Variants in SYT16 observed in about 807,000 individuals in gnomAD.
SYT16 encodes synaptotagmin 16, also known as synaptotagmin-16.
Under a neutral mutation model 61.4 loss-of-function variants are expected in SYT16, and 42 were observed. That is an observed-to-expected ratio of 0.68 (90% CI 0.53 to 0.89). The LOEUF is 0.89. Ranked by LOEUF, SYT16 falls within the 40% of genes least tolerant of loss-of-function variation. SYT16 has a pLI of 0.00. For synonymous variants in SYT16, 314 were observed against 302.3 expected, an observed-to-expected ratio of 1.04 and a Z score of -0.40; for missense variants, 804 against 807.3, an observed-to-expected ratio of 1.00 and a Z score of 0.05.
At chr14:61,928,370 G>T (rs2049620214) in intron 1 of SYT16, among the ~76,000 whole-genome samples, 2 of 152,150 alleles carry the variant, frequency 1.3e-5, no homozygotes, top group Non-Finnish European at 2.9e-5. Context: ...CAGGAAAAAA[G>T]GACATAACTG....
intron 7 of SYT16, among the ~76,000 whole-genome samples, chr14:62,085,766 G>A (rs985888960): frequency 1.3e-5 from 2 of 152,132 alleles, no homozygotes; most frequent in African/African-American, 4.8e-5. Context: ...ATTCTATGTC[G>A]ACACTCAGAG....
intron 1 of SYT16, among the ~76,000 whole-genome samples, chr14:61,892,684 G>A (rs1473281150): frequency 2.0e-5 from 3 of 152,156 alleles, no homozygotes; most frequent in South Asian, 2.1e-4. Flanking sequence ...CTTTAGAACC[G>A]ATGGGGGGTG....
At chr14:62,048,475 C>T (rs1177541972) in intron 3 of SYT16, among the ~76,000 whole-genome samples, 9 of 152,050 alleles carry the variant, frequency 5.9e-5, no homozygotes, top group Non-Finnish European at 1.3e-4. Flanking sequence ...TCTCTATTTC[C>T]TTCAGTTCTG....
rs1224696309 is a variant in SYT16, at chr14:61,818,025, C to A, written c.-325+5215C>A. On this transcript the variant is annotated intron_variant, in intron 1 of 7. Transcript: ENST00000683842. ...TAAATGAAAGCACTGAGCTATTAAT[C>A]TGTATTCTAGGCTTTATGGTCTAAT... Among the ~76,000 whole-genome samples the A allele has an allele frequency of 2.6e-5, 4 of 152,276 alleles. 1 individual carries two copies. Among genetic ancestry groups the A allele is most frequent in the Middle Eastern group, 6.8e-3 (2 of 294 alleles).
chr14:62,078,174 C>A (rs1353738892), intron 5 of SYT16, among the ~76,000 whole-genome samples: 5 of 138,696 alleles, frequency 3.6e-5, no homozygotes, highest in East Asian at 2.0e-4. Flanking sequence ...TATATATAAA[C>A]ACACACACAC....
chr14:62,031,930 A>G (rs1342128465), intron 3 of SYT16, among the ~76,000 whole-genome samples: 1 of 152,124 alleles, frequency 6.6e-6, no homozygotes, highest in African/African-American at 2.4e-5. Context: ...CTTCATCTGA[A>G]CCCTAAAAGC....
chr14:61,985,932 A>G (rs542418199), intron 2 of SYT16, among the ~76,000 whole-genome samples: 6 of 152,320 alleles, frequency 3.9e-5, no homozygotes, highest in East Asian at 1.9e-4. Flanking sequence ...AACAAGTCCA[A>G]TGGAGGTGGC....
intron 1 of SYT16, among the ~76,000 whole-genome samples, chr14:61,879,339 AG>A (rs2047610374): frequency 6.6e-6 from 1 of 152,216 alleles, no homozygotes; most frequent in Non-Finnish European, 1.5e-5. Context: ...ACTGTGAAGA[AG>A]TAAGGATGCC....
At chr14:62,049,156 G>A (rs924119799) in intron 3 of SYT16, among the ~76,000 whole-genome samples, 1 of 152,176 alleles carries the variant, frequency 6.6e-6, no homozygotes, top group Non-Finnish European at 1.5e-5. Context: ...GAATCTGGGT[G>A]CTCCTGTATT....
intron 1 of SYT16, among the ~76,000 whole-genome samples, chr14:61,850,395 A>G (rs1449336970): frequency 6.6e-6 from 1 of 151,914 alleles, no homozygotes; most frequent in Non-Finnish European, 1.5e-5. Context: ...TTGGCCTCCC[A>G]GAGTGCTGGG....
At chr14:62,033,612 T>C (rs890393888) in intron 3 of SYT16, among the ~76,000 whole-genome samples, 3 of 152,054 alleles carry the variant, frequency 2.0e-5, no homozygotes, top group African/African-American at 4.8e-5. Context: ...TAGTGCCCCA[T>C]AGGAAATGGA....
chr14:62,034,150 G>A (rs1338037808), intron 3 of SYT16, among the ~76,000 whole-genome samples: 1 of 152,086 alleles, frequency 6.6e-6, no homozygotes, highest in African/African-American at 2.4e-5. Context: ...ACCACTATGA[G>A]GTGCCACCTT....
chr14:61,977,342 A>C (rs1185882304), intron 2 of SYT16, among the ~76,000 whole-genome samples: 1 of 152,238 alleles, frequency 6.6e-6, no homozygotes, highest in Non-Finnish European at 1.5e-5. Flanking sequence ...TACTGCTATA[A>C]AGGACTGGCT....
chr14:61,895,805 TA>T (rs995825513), intron 1 of SYT16, among the ~76,000 whole-genome samples: 3 of 151,870 alleles, frequency 2.0e-5, no homozygotes, highest in South Asian at 2.1e-4. Flanking sequence ...CCCTGAATTG[TA>T]AAAAAAAATT....
intron 5 of SYT16, among the ~76,000 whole-genome samples, chr14:62,077,415 G>A (rs1296075147): frequency 2.0e-5 from 3 of 152,184 alleles, no homozygotes; most frequent in Non-Finnish European, 2.9e-5. Flanking sequence ...CTCTGCTGGC[G>A]AAGGCCTTTG....
chr14:62,069,821 C>T lies in SYT16; in HGVS notation c.736+6C>T. ...AGAAGTATCTGCCTGCGAAGGTATC[C>T]TTTGCCTCACATCCTTTCTTTAGAC... On this transcript the variant is annotated splice_donor_region_variant and intron_variant, in intron 4 of 7. Coordinates refer to ENST00000683842, the MANE Select transcript of SYT16 (RefSeq NM_001367656.1). 3 of 1,613,304 alleles carry T rather than the reference C, an allele frequency of 1.9e-6. No individual in the cohort carries two copies. Among genetic ancestry groups the T allele is most frequent in the Non-Finnish European group, 2.5e-6 (3 of 1,179,836 alleles).
intron 1 of SYT16, among the ~76,000 whole-genome samples, chr14:61,817,815 A>G (rs1054378114): frequency 6.6e-6 from 1 of 152,240 alleles, no homozygotes; most frequent in African/African-American, 2.4e-5. Context: ...ATGGGACATG[A>G]TATCTGTACC....
intron 1 of SYT16, among the ~76,000 whole-genome samples, chr14:61,884,167 C>A (rs1312192215): frequency 6.6e-6 from 1 of 152,162 alleles, no homozygotes; most frequent in Non-Finnish European, 1.5e-5. Context: ...CCTACCTTTT[C>A]TCCAAATTGA....
At chr14:61,980,954 G>T (rs1226536734) in intron 2 of SYT16, among the ~76,000 whole-genome samples, 1 of 110,472 alleles carries the variant, frequency 9.1e-6, no homozygotes, top group Non-Finnish European at 1.8e-5. Context: ...GTGTGTGTGT[G>T]TGTGTTTGTG....
Sources: allele counts gnomAD v4.1 joint callset (sites outside exome capture counted in the v4.1 genomes callset), GRCh38; gene constraint gnomAD v4.1.1; transcripts MANE v1.5; gene names NCBI Gene and HGNC (gene_info 2026-07-23, HGNC 2026-07-21).